Variants in ARHGAP15 observed in about 807,000 individuals in gnomAD.
ARHGAP15 encodes rho GTPase-activating protein 15.
A neutral mutation model predicts 63.7 loss-of-function variants in ARHGAP15; 51 were observed. The observed-to-expected ratio is 0.80, with a 90% CI of 0.64 to 1.01. The LOEUF is 1.01. ARHGAP15 is among the 50% of genes least tolerant of loss of function. The probability of loss-of-function intolerance (pLI) is 0.00; values close to 1 mark genes in which losing one functional copy is unlikely to be tolerated. For missense variants in ARHGAP15, 560 were observed against 564.6 expected, an observed-to-expected ratio of 0.99 and a Z score of 0.08; for synonymous variants, 191 against 193.8, an observed-to-expected ratio of 0.99 and a Z score of 0.12.
chr2:143,157,824 A>G (rs989470915), intron 2 of ARHGAP15, among the ~76,000 whole-genome samples: 1 of 151,914 alleles, frequency 6.6e-6, no homozygotes, highest in African/African-American at 2.4e-5. Flanking sequence ...AAGCTAAACT[A>G]AGAACTTGAT....
chr2:143,239,671 G>A (rs533916834), intron 5 of ARHGAP15, among the ~76,000 whole-genome samples: 57 of 152,128 alleles, frequency 3.7e-4, no homozygotes, highest in South Asian at 1.2e-3. Context: ...CCCACATATC[G>A]AGACCCTGTC....
chr2:143,487,640 A>C, intron 9 of ARHGAP15, 145 bp downstream of exon 9: 1 of 972,352 alleles, frequency 1.0e-6, no homozygotes, highest in East Asian at 2.8e-5. Flanking sequence ...CAGAGAAAAG[A>C]AAAATAATTG....
intron 1 of ARHGAP15, among the ~76,000 whole-genome samples, chr2:143,143,572 T>C (rs890941902): frequency 1.5e-4 from 23 of 150,924 alleles, no homozygotes; most frequent in African/African-American, 2.9e-4. Context: ...TCTTTCTTTT[T>C]TTTTTTTTTG....
At position 143,427,488 on chromosome 2, in the gene ARHGAP15, C is replaced by T. The variant is rs548940447; in HGVS notation, c.475-8113C>T. Among the ~76,000 whole-genome samples, 11 of 151,978 alleles carry T rather than the reference C, an allele frequency of 7.2e-5. No homozygotes were observed. The South Asian group carries it at 2.1e-3, about 29-fold the overall frequency. On this transcript the variant is annotated intron_variant, in intron 6 of 13. Coordinates refer to ENST00000295095, the MANE Select transcript of ARHGAP15 (RefSeq NM_018460.4). ...AGTATTAGCTCTTTAAAATTTTGAA[C>T]TTATGTTCCAGTTCCCATACTGTCA...
At chr2:143,433,192 G>A (rs1021679010) in intron 6 of ARHGAP15, among the ~76,000 whole-genome samples, 1 of 152,012 alleles carries the variant, frequency 6.6e-6, no homozygotes, top group African/African-American at 2.4e-5. Context: ...ATAAAAAAGC[G>A]GGTTGAGGAA....
At chr2:143,736,258 A>G (rs1201278081) in intron 13 of ARHGAP15, among the ~76,000 whole-genome samples, 2 of 152,166 alleles carry the variant, frequency 1.3e-5, no homozygotes, top group Non-Finnish European at 2.9e-5. Context: ...TTAGCCGGGC[A>G]TGGTGGTGCA....
At chr2:143,686,165 T>G (rs1683329315) in intron 12 of ARHGAP15, among the ~76,000 whole-genome samples, 1 of 151,858 alleles carries the variant, frequency 6.6e-6, no homozygotes, top group African/African-American at 2.4e-5. Context: ...TCCCAGCATT[T>G]TGGGAGGCCG....
chr2:143,696,706 G>A (rs1683863176), intron 12 of ARHGAP15, among the ~76,000 whole-genome samples: 1 of 152,110 alleles, frequency 6.6e-6, no homozygotes, highest in African/African-American at 2.4e-5. Flanking sequence ...TCCTAAGAGG[G>A]CTTGTTTATT....
chr2:143,221,034 G>T (rs911603537), intron 4 of ARHGAP15, among the ~76,000 whole-genome samples: 1 of 152,008 alleles, frequency 6.6e-6, no homozygotes, highest in South Asian at 2.1e-4. Context: ...CTTGAAACAC[G>T]TTTGCTTTAT....
chr2:143,759,575 C>A (rs531624305), intron 13 of ARHGAP15, among the ~76,000 whole-genome samples: 3 of 152,220 alleles, frequency 2.0e-5, no homozygotes, highest in African/African-American at 7.2e-5. Flanking sequence ...AGATTTTTAC[C>A]ATGACCCCTA....
chr2:143,142,685 A>T (rs1292210317), intron 1 of ARHGAP15, among the ~76,000 whole-genome samples: 1 of 152,122 alleles, frequency 6.6e-6, no homozygotes, highest in Non-Finnish European at 1.5e-5. Flanking sequence ...TGATAGTAAC[A>T]GTGGCAACCA....
chr2:143,752,274 C>T (rs943313850), intron 13 of ARHGAP15, among the ~76,000 whole-genome samples: 2 of 152,192 alleles, frequency 1.3e-5, no homozygotes, highest in Non-Finnish European at 2.9e-5. Flanking sequence ...AGAGTAAAGG[C>T]CCCTATAATC....
At chr2:143,209,459 T>C (rs1273379324) in intron 3 of ARHGAP15, among the ~76,000 whole-genome samples, 2 of 152,094 alleles carry the variant, frequency 1.3e-5, no homozygotes, top group Non-Finnish European at 2.9e-5. Context: ...TAACTGGCCA[T>C]GTCCCTTTCT....
chr2:143,624,534 A>G (rs1308590531), intron 12 of ARHGAP15, among the ~76,000 whole-genome samples: 1 of 152,142 alleles, frequency 6.6e-6, no homozygotes. Flanking sequence ...CCTCAAATGA[A>G]AATAGTGTCT....
intron 6 of ARHGAP15, among the ~76,000 whole-genome samples, chr2:143,339,176 G>C (rs1205617285): frequency 6.6e-6 from 1 of 152,116 alleles, no homozygotes; most frequent in Non-Finnish European, 1.5e-5. Context: ...TTTTGTTGCT[G>C]TGGTTGTTGA....
At chr2:143,757,978 A>G (rs943467327) in intron 13 of ARHGAP15, among the ~76,000 whole-genome samples, 2 of 152,068 alleles carry the variant, frequency 1.3e-5, no homozygotes, top group African/African-American at 4.8e-5. Context: ...CTCTTAAGAC[A>G]TAAAGAAACT....
intron 11 of ARHGAP15, among the ~76,000 whole-genome samples, chr2:143,582,362 A>T (rs1696942435): frequency 6.6e-6 from 1 of 152,152 alleles, no homozygotes; most frequent in African/African-American, 2.4e-5. Flanking sequence ...TCAAAAATCG[A>T]GGGCACTACT....
intron 6 of ARHGAP15, among the ~76,000 whole-genome samples, chr2:143,308,495 C>G (rs1683283691): frequency 6.6e-6 from 1 of 151,858 alleles, no homozygotes; most frequent in Non-Finnish European, 1.5e-5. Flanking sequence ...CACACACACA[C>G]ACACACACAC....
At chr2:143,579,669 T>G (rs1460972986) in intron 11 of ARHGAP15, among the ~76,000 whole-genome samples, 1 of 151,016 alleles carries the variant, frequency 6.6e-6, no homozygotes, top group African/African-American at 2.5e-5. Flanking sequence ...CCCCACTTAG[T>G]ATAAATCAGC....
Sources: allele counts gnomAD v4.1 joint callset (sites outside exome capture counted in the v4.1 genomes callset), GRCh38; gene constraint gnomAD v4.1.1; transcripts MANE v1.5; gene names NCBI Gene and HGNC (gene_info 2026-07-23, HGNC 2026-07-21).